The following STXBP4 variants were observed in gnomAD, a reference collection of about 807,000 sequenced individuals.
STXBP4 encodes syntaxin-binding protein 4.
In STXBP4, 55 loss-of-function variants were observed where a neutral mutation model predicts 76.1. The ratio of observed to expected loss-of-function variants is 0.72; its 90% CI spans 0.58 to 0.91. The LOEUF (loss-of-function observed/expected upper bound fraction) is 0.91, where lower values mean the gene tolerates loss of function less well. Ranked by LOEUF, STXBP4 falls within the 40% of genes least tolerant of loss-of-function variation. The pLI is 0.00. For synonymous variants in STXBP4, 201 were observed against 220.2 expected (o/e 0.91, Z 0.77); for missense variants, 618 against 636.9 (o/e 0.97, Z 0.32).
chr17:55,128,925 CTTTTTTTTTTTTT>C lies in STXBP4; in HGVS notation c.1490-12374_1490-12362del, dbSNP rs35073950. Among the ~76,000 whole-genome samples, 198 of 86,302 alleles carry C rather than the reference CTTTTTTTTTTTTT, an allele frequency of 2.3e-3. 1 individual carries two copies. The highest frequency in any genetic ancestry group is 0.01 in the Middle Eastern group (1 of 98). The allele number at this position is 86,302 out of a possible 152,430, so 56.6% of individuals were successfully genotyped here. A position where few individuals can be genotyped will look rare whatever the true frequency, so the allele number is the denominator to read the frequency against. ...CCACTGCGTCCAGCCTGTAAGGATTCTTTTTTTTTTTTTTTTTTTTTTTGAGACAGAGCCTCGC... is the reference window on the plus strand; with the variant it reads ...CCACTGCGTCCAGCCTGTAAGGATTCTTTTTTTTTTGAGACAGAGCCTCGC... On this transcript the variant is annotated intron_variant, in intron 16 of 17. Coordinates refer to ENST00000376352, the MANE Select transcript of STXBP4 (RefSeq NM_178509.6).
chr17:55,069,124 G>A (rs2079089936), intron 12 of STXBP4, among the ~76,000 whole-genome samples: 3 of 146,300 alleles, frequency 2.1e-5, no homozygotes, highest in Admixed American at 6.9e-5. Flanking sequence ...AAGGGCCAGT[G>A]TGAGTTGAAG....
the STXBP4 span, among the ~76,000 whole-genome samples, chr17:55,202,898 A>G: frequency 2.0e-5 from 3 of 152,312 alleles, no homozygotes; most frequent in Admixed American, 6.5e-5. Flanking sequence ...GAGGATGGGC[A>G]TAAGAGCCAA....
chr17:55,022,606 A>G lies in STXBP4; in HGVS notation c.667-8562A>G, dbSNP rs146192498. 1.3e-3 allele frequency among the ~76,000 whole-genome samples: 202 copies of G among 152,312 alleles called. 1 individual carries two copies. Among genetic ancestry groups the G allele is most frequent in the African/African-American group, 4.0e-3 (166 of 41,576 alleles). On this transcript the variant is annotated intron_variant, in intron 8 of 17. Coordinates refer to ENST00000376352, the MANE Select transcript of STXBP4 (RefSeq NM_178509.6). ...GAATAACAAGAGTACATGTCAGACA[A>G]TAAGACATGGTAGATTATTTCAGAT... is the stretch of plus-strand genomic sequence containing the variant.
the STXBP4 span, among the ~76,000 whole-genome samples, chr17:55,201,982 G>A: frequency 6.6e-6 from 1 of 152,030 alleles, no homozygotes; most frequent in Non-Finnish European, 1.5e-5. Context: ...ACATTTACAT[G>A]GTGGAATTGA....
intron 16 of STXBP4, among the ~76,000 whole-genome samples, chr17:55,120,044 G>A (rs1241869722): frequency 6.6e-6 from 1 of 152,024 alleles, no homozygotes; most frequent in Non-Finnish European, 1.5e-5. Flanking sequence ...CCACAGTTAA[G>A]GTTACTAAAG....
chr17:55,023,316 G>A lies in STXBP4; in HGVS notation c.667-7852G>A, dbSNP rs553074824. On this transcript the variant is annotated intron_variant, in intron 8 of 17. Coordinates refer to ENST00000376352, the MANE Select transcript of STXBP4 (RefSeq NM_178509.6). ...ATCCAAAATGGTGGGAACCAGAAGT[G>A]TTTGAAACTTTTGATATTTTCAGAT... Among the ~76,000 whole-genome samples the A allele has an allele frequency of 2.8e-4, 43 of 152,238 alleles. 1 individual carries two copies. Among genetic ancestry groups the A allele is most frequent in the Middle Eastern group, 6.8e-3 (2 of 294 alleles).
chr17:55,086,070 T>A (rs2079323197), intron 16 of STXBP4, among the ~76,000 whole-genome samples: 1 of 152,136 alleles, frequency 6.6e-6, no homozygotes, highest in African/African-American at 2.4e-5. Context: ...TTTCATTATC[T>A]TGCTAACATT....
rs946713671 is a variant in STXBP4, at chr17:55,040,153, T to C, written c.856-3083T>C. The stretch of plus-strand genomic sequence containing the variant: ...TTAGAATATCACAATCTAAAGAAGA[T>C]AAAATTTCAAGGAAAAAAAGCCTTC... On this transcript the variant is annotated intron_variant, in intron 10 of 17. Transcript: ENST00000376352. Among the ~76,000 whole-genome samples, 7 of 152,090 alleles carry C rather than the reference T, an allele frequency of 4.6e-5. 1 individual carries two copies. The highest frequency in any genetic ancestry group is 4.2e-4 in the South Asian group (2 of 4,812).
At chr17:55,023,916 C>CAAAAAAAAAAAAA (rs61454264) in intron 8 of STXBP4, among the ~76,000 whole-genome samples, 4 of 62,238 alleles carry the variant, frequency 6.4e-5, no homozygotes, top group Admixed American at 2.2e-4. Flanking sequence ...GGCCCTTTTC[C>CAAAAAAAAAAAAA]AAAAAAAAAA....
intron 11 of STXBP4, chr17:55,043,645 A>T: frequency 1.3e-6 from 2 of 1,549,868 alleles, no homozygotes; most frequent in Non-Finnish European, 1.7e-6. Flanking sequence ...GAGCCAATAA[A>T]GCAAGTCGTG....
At position 55,171,027 on chromosome 17, in the gene STXBP4, GTCTT is replaced by G. The variant is rs1233113470; in HGVS notation, c.*11118_*11121del. 2.6e-5 allele frequency: 4 copies of G among 152,148 alleles called. No individual in the cohort carries two copies. Among genetic ancestry groups the G allele is most frequent in the African/African-American group, 4.8e-5 (2 of 41,440 alleles). The allele number at this position is 152,148 out of a possible 1,614,324, so 9.4% of individuals were successfully genotyped here. ...GTCCTGCAGGACATCTAAGTTTACC[GTCTT>G]TATCTTGCCATTGTCAAAGATCCTG... On this transcript the variant is annotated 3_prime_UTR_variant, in exon 18 of 18. Coordinates refer to ENST00000376352, the MANE Select transcript of STXBP4 (RefSeq NM_178509.6).
chr17:55,105,442 T>C (rs998009633), intron 16 of STXBP4, among the ~76,000 whole-genome samples: 4 of 151,750 alleles, frequency 2.6e-5, no homozygotes, highest in African/African-American at 9.7e-5. Flanking sequence ...TTCAAGTGAA[T>C]TTCTTAATCC....
intron 8 of STXBP4, among the ~76,000 whole-genome samples, chr17:55,015,269 G>A (rs1209394178): frequency 6.6e-6 from 1 of 152,180 alleles, no homozygotes; most frequent in Non-Finnish European, 1.5e-5. Flanking sequence ...GTTAGCAAAT[G>A]TCTGTGGCAC....
At chr17:55,057,848 C>A (rs1157718824) in intron 12 of STXBP4, among the ~76,000 whole-genome samples, 2 of 152,150 alleles carry the variant, frequency 1.3e-5, no homozygotes, top group Non-Finnish European at 2.9e-5. Context: ...ATGATGGTTT[C>A]CAGCTTCATC....
At chr17:55,174,064 T>G (rs573242591), downstream of STXBP4, among the ~76,000 whole-genome samples, 13 of 152,360 alleles carry the variant, frequency 8.5e-5, no homozygotes, top group East Asian at 2.3e-3. Flanking sequence ...GGTTATCTGC[T>G]TCTAAGAATT....
chr17:54,986,144 AAAGAAG>A lies in STXBP4; in HGVS notation c.-73_-68del. 7.8e-7 allele frequency: 1 copy of A among 1,280,264 alleles called. No homozygotes were observed. The highest frequency in any genetic ancestry group is 1.1e-6 in the Non-Finnish European group (1 of 898,170). The allele number at this position is 1,280,264 out of a possible 1,614,324, so 79.3% of individuals were successfully genotyped here. A position where few individuals can be genotyped will look rare whatever the true frequency, so the allele number is the denominator to read the frequency against. On this transcript the variant is annotated 5_prime_UTR_variant, in exon 3 of 18. Coordinates refer to ENST00000376352, the MANE Select transcript of STXBP4 (RefSeq NM_178509.6). ...ATTTTCTACTTCTTCAATCCTAGGA[AAAGAAG>A]AATTTCTAGACTCTTCATCAAGATC...
At chr17:55,192,101 C>G in the STXBP4 span, among the ~76,000 whole-genome samples, 2 of 152,150 alleles carry the variant, frequency 1.3e-5, no homozygotes, top group East Asian at 3.9e-4. Context: ...TAATCATAAC[C>G]AAAACCAAAA....
intron 12 of STXBP4, among the ~76,000 whole-genome samples, chr17:55,052,476 G>A (rs980359396): frequency 2.6e-5 from 4 of 152,080 alleles, no homozygotes; most frequent in Non-Finnish European, 5.9e-5. Context: ...AATACTGACT[G>A]GTAATTGCAG....
chr17:55,039,909 C>A (rs2078669438), intron 10 of STXBP4, among the ~76,000 whole-genome samples: 1 of 151,988 alleles, frequency 6.6e-6, no homozygotes, highest in African/African-American at 2.4e-5. Flanking sequence ...CCAAAGGCCA[C>A]TGGAAATTAG....
Sources: allele counts gnomAD v4.1 joint callset (sites outside exome capture counted in the v4.1 genomes callset), GRCh38; gene constraint gnomAD v4.1.1; transcripts MANE v1.5; gene names NCBI Gene and HGNC (gene_info 2026-07-23, HGNC 2026-07-21).